BRME1: variants seen among roughly 807,000 people sequenced by gnomAD.
BRME1 encodes the protein BRCA2 and MEILB2-associating protein 1.
A neutral mutation model predicts 52.6 loss-of-function variants in BRME1; 31 were observed. The ratio of observed to expected loss-of-function variants is 0.59; its 90% CI spans 0.44 to 0.80. BRME1 has a LOEUF of 0.80. Among genes scored for constraint, BRME1 ranks in the 30% least tolerant of loss-of-function variants. The pLI is 0.00. For missense variants in BRME1, 804 were observed against 860.3 expected (o/e 0.93, Z 0.82); for synonymous variants, 359 against 353.6 (o/e 1.02, Z -0.17).
chr19:13,889,105 C>T, intron 6 of BRME1, 83 bp downstream of exon 6: 1 of 1,306,968 alleles, frequency 7.7e-7, no homozygotes. Flanking sequence ...CCCCCTCTGC[C>T]ACTGCACCGA....
At position 13,883,664 on chromosome 19, in the gene BRME1, T is replaced by TC; in HGVS notation, c.1764-265dup. On this transcript the variant is annotated intron_variant, in intron 7 of 8. Coordinates refer to ENST00000586783, the MANE Select transcript of BRME1 (RefSeq NM_001345843.2). The surrounding 1 kb of genome is among the most constrained non-coding windows in gnomAD (Gnocchi z 4.2). ...CCCTATCTCCTGCCCCTGTGGCTTG[T>TC]CCCCCACAGGCACTGGGGGCTGTGA... is the stretch of plus-strand genomic sequence containing the variant. 2.4e-6 allele frequency: 1 copy of TC among 425,090 alleles called. No homozygotes were observed. Among genetic ancestry groups the TC allele is most frequent in the Non-Finnish European group, 4.3e-6 (1 of 231,152 alleles). 26.3% of individuals were successfully genotyped at this position (425,090 alleles called of 1,614,324 possible).
chr19:13,904,788 C>A (rs1042701612), intron 2 of BRME1, 74 bp downstream of exon 2: 1 of 1,482,286 alleles, frequency 6.7e-7, no homozygotes, highest in Non-Finnish European at 9.4e-7. Flanking sequence ...TTAGCCAGAT[C>A]TGCAATAAAC....
chr19:13,902,337 T>C (rs1043447048), intron 2 of BRME1, among the ~76,000 whole-genome samples: 2 of 151,356 alleles, frequency 1.3e-5, no homozygotes, highest in Non-Finnish European at 2.9e-5. Context: ...AGACATCATC[T>C]TAAAAAAAAG....
chr19:13,882,878 C>A lies in BRME1; in HGVS notation c.1931G>T (p.Gly644Val), dbSNP rs1386099318. 7 of 1,613,854 alleles carry A rather than the reference C, an allele frequency of 4.3e-6. No homozygotes were observed. Among genetic ancestry groups the A allele is most frequent in the Non-Finnish European group, 1.7e-6 (2 of 1,179,982 alleles). The change falls in exon 9 of 9, where the codon GGC (glycine) becomes GTC (valine). Residue 644 changes from glycine (G) to valine (V), a missense_variant. Gly to Val is a moderately radical substitution (Grantham distance 109). Around this residue, in one of 3 missense-constraint regions of BRME1, gnomAD observed 552 missense variants for 561.1 expected, o/e 0.98. Coordinates refer to ENST00000586783, the MANE Select transcript of BRME1 (RefSeq NM_001345843.2). ...RLNYRKTKLG[G>V]KAPLPYPSKG... The stretch of plus-strand genomic sequence containing the variant: ...GGAAGGGTAAGGCAGGGGGGCTTTG[C>A]CTCCCAGCTTTGTCTTCCGGTAGTT...
At chr19:13,904,288 G>A (rs1970495233) in intron 2 of BRME1, among the ~76,000 whole-genome samples, 1 of 151,994 alleles carries the variant, frequency 6.6e-6, no homozygotes, top group Non-Finnish European at 1.5e-5. Context: ...ACTTTACATT[G>A]TAGAGACAGG....
chr19:13,894,302 A>T (rs912154763), intron 3 of BRME1, among the ~76,000 whole-genome samples: 3 of 152,168 alleles, frequency 2.0e-5, no homozygotes, highest in African/African-American at 7.2e-5. Flanking sequence ...AGGCGGGCGG[A>T]TCACCTTAAG....
chr19:13,901,316 A>T (rs1173746770), intron 2 of BRME1, among the ~76,000 whole-genome samples: 1 of 152,104 alleles, frequency 6.6e-6, no homozygotes, highest in Admixed American at 6.6e-5. Flanking sequence ...GAAATTGTAT[A>T]GGTATGTTGA....
intron 2 of BRME1, among the ~76,000 whole-genome samples, chr19:13,896,712 A>T (rs951998618): frequency 1.3e-5 from 2 of 150,538 alleles, no homozygotes; most frequent in Non-Finnish European, 3.0e-5. Flanking sequence ...TTTTTTTAAG[A>T]CAGGGTCTGG....
chr19:13,902,590 C>T (rs1057443457), intron 2 of BRME1, among the ~76,000 whole-genome samples: 7 of 150,290 alleles, frequency 4.7e-5, no homozygotes, highest in Admixed American at 1.3e-4. Context: ...GAGCCGAGAT[C>T]GCGCCAGCCT....
At chr19:13,901,934 G>A (rs1268783094) in intron 2 of BRME1, among the ~76,000 whole-genome samples, 4 of 151,868 alleles carry the variant, frequency 2.6e-5, no homozygotes, top group South Asian at 2.1e-4. Flanking sequence ...CAGCTATTCC[G>A]GAGGCTGAGG....
Position 13,889,429 on chromosome 19 carries a change from G to GAC in BRME1, c.1425_1426dup (p.Ser476CysfsTer14). The GAC allele has an allele frequency of 6.2e-7, 1 of 1,613,980 alleles. No homozygotes were observed. The highest frequency in any genetic ancestry group is 8.5e-7 in the Non-Finnish European group (1 of 1,180,022). ...TTCCAGCACAACAGAGGCTTGCGGG[G>GAC]ACACACGGAACCCCTCGAGGTCTCG... On this transcript the variant is annotated frameshift_variant, in exon 6 of 9. Coordinates refer to ENST00000586783, the MANE Select transcript of BRME1 (RefSeq NM_001345843.2). LOFTEE classifies it high-confidence loss of function.
intron 2 of BRME1, among the ~76,000 whole-genome samples, chr19:13,896,339 C>T (rs1969890996): frequency 6.8e-6 from 1 of 147,044 alleles, no homozygotes; most frequent in Non-Finnish European, 1.5e-5. Flanking sequence ...TATATACATA[C>T]ATATAAAATA....
chr19:13,890,121 C>G lies in BRME1; in HGVS notation c.735G>C (p.Glu245Asp), dbSNP rs749028986. 2.7e-5 allele frequency: 44 copies of G among 1,614,060 alleles called. No homozygotes were observed. Among genetic ancestry groups the G allele is most frequent in the Middle Eastern group, 1.6e-4 (1 of 6,084 alleles). ...CCTGGGGGGCTCCTCTGTCTGGCTT[C>G]TCCCCTTCAGAATCAATGCTTGGTA... ...EHLPSIDSEG[E>D]KPDRGAPQEG... is the part of the protein sequence containing the mutation. Residue 245 changes from glutamate to aspartate, a missense_variant, in exon 6 of 9, where the codon GAG becomes GAC. Around this residue, in one of 3 missense-constraint regions of BRME1, gnomAD observed 552 missense variants for 561.1 expected, o/e 0.98. Transcript: ENST00000586783.
At chr19:13,896,374 T>G (rs1040461843) in intron 2 of BRME1, among the ~76,000 whole-genome samples, 1 of 147,526 alleles carries the variant, frequency 6.8e-6, no homozygotes. Flanking sequence ...ATTTACATAT[T>G]GCATATTTAT....
intron 2 of BRME1, among the ~76,000 whole-genome samples, chr19:13,900,298 C>A (rs1970209431): frequency 6.6e-6 from 1 of 152,194 alleles, no homozygotes; most frequent in Non-Finnish European, 1.5e-5. Context: ...TTCTTCCTCT[C>A]TCTCCACCCT....
intron 2 of BRME1, among the ~76,000 whole-genome samples, chr19:13,897,385 GGCCCCA>G (rs1477277911): frequency 6.6e-6 from 1 of 152,104 alleles, no homozygotes; most frequent in East Asian, 1.9e-4. Context: ...CCCCAAGCCT[GGCCCCA>G]ACCTAATCAT....
chr19:13,883,783 C>T lies in BRME1; in HGVS notation c.1764-383G>A, dbSNP rs540694163. On this transcript the variant is annotated intron_variant, in intron 7 of 8. Coordinates refer to ENST00000586783, the MANE Select transcript of BRME1 (RefSeq NM_001345843.2). This position sits in a 1 kb window ranked among gnomAD's most constrained non-coding sequence, Gnocchi z 4.2. ...CCTCCCCTCATCCCCCGCTTCTCCC[C>T]TCCCCTCGGCTCTAGCCACACTAGA... Among the ~76,000 whole-genome samples, 16 of 152,146 alleles carry T rather than the reference C, an allele frequency of 1.1e-4. No homozygotes were observed. The highest frequency in any genetic ancestry group is 3.9e-4 in the African/African-American group (16 of 41,500).
chr19:13,899,151 C>CTT lies in BRME1; in HGVS notation c.32-3607_32-3606dup, dbSNP rs561611001. 5.8e-3 allele frequency among the ~76,000 whole-genome samples: 791 copies of CTT among 137,402 alleles called. 14 individuals are homozygous for CTT. The highest frequency in any genetic ancestry group is 0.016 in the African/African-American group (605 of 36,672). 90.1% of individuals were successfully genotyped at this position (137,402 alleles called of 152,430 possible). On this transcript the variant is annotated intron_variant, in intron 2 of 8. Coordinates refer to ENST00000586783, the MANE Select transcript of BRME1 (RefSeq NM_001345843.2). Reference sequence around the variant, plus strand: ...ATTGCTTCTAATTCTTCTTCTTCTTCTTTTTTTTTTTTTTTGAGATGGACT... The same window carrying CTT: ...ATTGCTTCTAATTCTTCTTCTTCTTCTTTTTTTTTTTTTTTTTGAGATGGACT...
intron 2 of BRME1, among the ~76,000 whole-genome samples, chr19:13,896,947 C>T (rs565664785): frequency 6.6e-6 from 1 of 152,000 alleles, no homozygotes; most frequent in Non-Finnish European, 1.5e-5. Context: ...ATCCTCTTGT[C>T]TCGGCCTCCC....
Sources: allele counts gnomAD v4.1 joint callset (sites outside exome capture counted in the v4.1 genomes callset), GRCh38; gene constraint gnomAD v4.1.1; regional missense constraint gnomAD v4.1.1; non-coding constraint Gnocchi (gnomAD v3.1); transcripts MANE v1.5; gene names NCBI Gene and HGNC (gene_info 2026-07-23, HGNC 2026-07-21).